Variants in FHIT observed in about 807,000 individuals in gnomAD.
FHIT encodes fragile histidine triad diadenosine triphosphatase.
In FHIT, 19 loss-of-function variants were observed where a neutral mutation model predicts 17.9. The ratio of observed to expected loss-of-function variants is 1.06; its 90% CI spans 0.74 to 1.56. The LOEUF is 1.56. FHIT is among the 40% of genes most tolerant of loss of function. The pLI is 0.00. For missense variants in FHIT, 248 were observed against 189.2 expected, an observed-to-expected ratio of 1.31 and a Z score of -1.82; for synonymous variants, 81 against 69.7, an observed-to-expected ratio of 1.16 and a Z score of -0.81.
intron 7 of FHIT, among the ~76,000 whole-genome samples, chr3:59,986,717 C>A (rs376975079): frequency 0.71 from 10,632 of 14,914 alleles, 4,402 homozygotes; most frequent in East Asian, 0.98. Context: ...TAAATATATA[C>A]ATATATTTAT....
At chr3:60,814,814 C>T (rs555751277) in intron 4 of FHIT, among the ~76,000 whole-genome samples, 1 of 152,138 alleles carries the variant, frequency 6.6e-6, no homozygotes, top group South Asian at 2.1e-4. Context: ...AACTAATTTA[C>T]ATTCCCACCA....
intron 7 of FHIT, among the ~76,000 whole-genome samples, chr3:59,952,411 A>G (rs868310367): frequency 1.3e-5 from 2 of 148,266 alleles, no homozygotes; most frequent in Admixed American, 6.8e-5. Flanking sequence ...CCAGTCAGCC[A>G]TCTGACTCTG....
intron 1 of FHIT, among the ~76,000 whole-genome samples, chr3:61,219,145 A>G (rs1257956481): frequency 6.6e-6 from 1 of 152,062 alleles, no homozygotes; most frequent in Non-Finnish European, 1.5e-5. Context: ...TTGTGTATCT[A>G]AACATCTAAA....
intron 5 of FHIT, among the ~76,000 whole-genome samples, chr3:60,252,665 A>G (rs1705774129): frequency 6.6e-6 from 1 of 152,148 alleles, no homozygotes; most frequent in Admixed American, 6.5e-5. Context: ...CATGGGAAAG[A>G]GCAAATAATG....
At chr3:61,221,887 T>C (rs1247520779) in intron 1 of FHIT, among the ~76,000 whole-genome samples, 3 of 152,196 alleles carry the variant, frequency 2.0e-5, no homozygotes, top group African/African-American at 7.2e-5. Context: ...TGACCCAGCC[T>C]TGGGGGTAAA....
At chr3:61,013,107 C>A (rs1025854775) in intron 3 of FHIT, among the ~76,000 whole-genome samples, 1 of 152,028 alleles carries the variant, frequency 6.6e-6, no homozygotes, top group African/African-American at 2.4e-5. Context: ...ACTCTTTAAA[C>A]TTATAACAAA....
intron 7 of FHIT, among the ~76,000 whole-genome samples, chr3:60,005,289 G>C (rs1260828470): frequency 6.8e-6 from 1 of 148,142 alleles, no homozygotes; most frequent in Non-Finnish European, 1.5e-5. Flanking sequence ...GCAAATCAAA[G>C]TTAACAAACT....
chr3:60,717,121 G>A (rs782205699), intron 4 of FHIT, among the ~76,000 whole-genome samples: 3 of 152,168 alleles, frequency 2.0e-5, no homozygotes, highest in Admixed American at 2.0e-4. Context: ...GTAGTAGAAG[G>A]TTGGTTGCCA....
At chr3:60,713,918 C>T (rs1401945274) in intron 4 of FHIT, among the ~76,000 whole-genome samples, 18 of 151,600 alleles carry the variant, frequency 1.2e-4, no homozygotes, top group African/African-American at 4.4e-4. Context: ...AGGGAATCCT[C>T]CCTAACTCAT....
chr3:61,015,979 A>C (rs543248626), intron 3 of FHIT, among the ~76,000 whole-genome samples: 2 of 152,344 alleles, frequency 1.3e-5, no homozygotes, highest in South Asian at 4.1e-4. Context: ...TATTTGCTAA[A>C]GTGTTCAACA....
Position 60,489,038 on chromosome 3 carries a change from T to C in FHIT, c.103+47822A>G, listed in dbSNP as rs139625370. ...ATTGAACCAGATGATGTCCAATGAG[T>C]TGGGATTTCCAAGAGAGACCATGAG... On this transcript the variant is annotated intron_variant, in intron 5 of 9. Transcript: ENST00000492590. Among the ~76,000 whole-genome samples, 3 of 152,224 alleles carry C rather than the reference T, an allele frequency of 2.0e-5. No individual in the cohort carries two copies. In the East Asian group the frequency reaches 5.8e-4, roughly 29 times the overall value.
chr3:60,190,203 A>G (rs114378146), intron 5 of FHIT, among the ~76,000 whole-genome samples: 5,006 of 152,250 alleles, frequency 0.033, 112 homozygotes, highest in Middle Eastern at 0.11. Flanking sequence ...ACATCACAGA[A>G]CCAAAATAAC....
chr3:60,691,482 A>C (rs912884892), intron 4 of FHIT, among the ~76,000 whole-genome samples: 2 of 150,386 alleles, frequency 1.3e-5, no homozygotes, highest in South Asian at 4.2e-4. Context: ...TGATCTACCC[A>C]CCTCAGCCTC....
At chr3:60,261,969 T>C (rs72872812) in intron 5 of FHIT, among the ~76,000 whole-genome samples, 2,037 of 152,148 alleles carry the variant, frequency 0.013, 40 homozygotes, top group African/African-American at 0.046. Context: ...CATAACCTTT[T>C]ATCCTCCTAT....
chr3:60,370,778 T>C (rs1700295001), intron 5 of FHIT, among the ~76,000 whole-genome samples: 1 of 152,230 alleles, frequency 6.6e-6, no homozygotes, highest in South Asian at 2.1e-4. Flanking sequence ...GCCTTCAAAC[T>C]GGTCTCTTCC....
intron 5 of FHIT, among the ~76,000 whole-genome samples, chr3:60,293,864 G>C (rs1201456710): frequency 6.6e-6 from 1 of 152,034 alleles, no homozygotes; most frequent in Non-Finnish European, 1.5e-5. Flanking sequence ...TTTTGAGCTA[G>C]GATGCATCAT....
At chr3:60,335,739 T>C (rs1710204673) in intron 5 of FHIT, among the ~76,000 whole-genome samples, 2 of 152,158 alleles carry the variant, frequency 1.3e-5, no homozygotes, top group African/African-American at 4.8e-5. Context: ...TTATTAGATA[T>C]ATTGGGTTGG....
intron 5 of FHIT, among the ~76,000 whole-genome samples, chr3:60,442,781 T>G (rs1234047362): frequency 1.3e-5 from 2 of 152,154 alleles, no homozygotes; most frequent in Admixed American, 6.5e-5. Context: ...CATAAGAACT[T>G]TAAAGTAATT....
rs1702048054 is a variant in FHIT, at chr3:60,055,544, AGCACTT to A, written c.104-41398_104-41393del. Among the ~76,000 whole-genome samples, 4 of 150,924 alleles carry A rather than the reference AGCACTT, an allele frequency of 2.7e-5. No homozygotes were observed. The South Asian group carries it at 8.3e-4, about 31-fold the overall frequency. On this transcript the variant is annotated intron_variant, in intron 5 of 9. Transcript: ENST00000492590. ...GTGCAGTTCAGAGCTTAATTGCTTT[AGCACTT>A]GCACCAAGAAAAACTGTATTGCAAA...
Sources: allele counts gnomAD v4.1 joint callset (sites outside exome capture counted in the v4.1 genomes callset), GRCh38; gene constraint gnomAD v4.1.1; transcripts MANE v1.5; gene names NCBI Gene and HGNC (gene_info 2026-07-23, HGNC 2026-07-21).